Variants in CTNNA3 observed in about 807,000 individuals in gnomAD.
CTNNA3 encodes the protein catenin alpha 3.
CTNNA3 carries 76 observed loss-of-function variants against 95.7 expected under a neutral mutation model. The ratio of observed to expected loss-of-function variants is 0.79; its 90% CI spans 0.66 to 0.96. The LOEUF is 0.96. Among genes scored for constraint, CTNNA3 ranks in the 40% least tolerant of loss-of-function variants. The pLI is 0.00. For synonymous variants in CTNNA3, 431 were observed against 374.4 expected (o/e 1.15, Z -1.74); for missense variants, 1,191 against 1,089.8 (o/e 1.09, Z -1.31).
intron 12 of CTNNA3, among the ~76,000 whole-genome samples, chr10:66,363,900 T>C (rs1023935294): frequency 1.6e-4 from 24 of 152,190 alleles, no homozygotes; most frequent in Non-Finnish European, 3.5e-4. Flanking sequence ...GATCTATATA[T>C]GCTATTTAAT....
At chr10:67,006,935 A>T (rs1852028555) in intron 7 of CTNNA3, among the ~76,000 whole-genome samples, 2 of 152,100 alleles carry the variant, frequency 1.3e-5, no homozygotes, top group Admixed American at 1.3e-4. Flanking sequence ...CTGGGATTAC[A>T]GTCATGTGCC....
chr10:65,976,723 C>G (rs775603944), intron 16 of CTNNA3, among the ~76,000 whole-genome samples: 2 of 152,136 alleles, frequency 1.3e-5, no homozygotes, highest in African/African-American at 2.4e-5. Flanking sequence ...AGGAGAATGC[C>G]TCATTCCTAC....
At chr10:67,070,978 G>T (rs772680028) in intron 7 of CTNNA3, among the ~76,000 whole-genome samples, 1 of 152,106 alleles carries the variant, frequency 6.6e-6, no homozygotes, top group Non-Finnish European at 1.5e-5. Flanking sequence ...ATTGCAACAT[G>T]CATTCTTGAG....
intron 10 of CTNNA3, among the ~76,000 whole-genome samples, chr10:66,523,339 T>G (rs1383510089): frequency 6.6e-6 from 1 of 152,192 alleles, no homozygotes; most frequent in Non-Finnish European, 1.5e-5. Context: ...TAAGAATATT[T>G]TCAGTTCTGC....
intron 5 of CTNNA3, among the ~76,000 whole-genome samples, chr10:67,370,869 G>GTTTT (rs58583527): frequency 1.5e-5 from 2 of 136,308 alleles, no homozygotes; most frequent in African/African-American, 5.4e-5. Flanking sequence ...AGTTTTTTTT[G>GTTTT]TTTTTTTTTT....
At chr10:66,605,393 A>G (rs930564715) in intron 10 of CTNNA3, among the ~76,000 whole-genome samples, 4 of 152,186 alleles carry the variant, frequency 2.6e-5, no homozygotes, top group African/African-American at 9.6e-5. Flanking sequence ...ATTTCAGGAT[A>G]TCATCCATGA....
intron 3 of CTNNA3, among the ~76,000 whole-genome samples, chr10:67,581,094 T>C (rs148717811): frequency 0.13 from 20,190 of 152,160 alleles, 1,654 homozygotes; most frequent in East Asian, 0.3. Context: ...TCCAACACTA[T>C]GTTGAATAGG....
chr10:67,560,188 G>C (rs2133255262), intron 3 of CTNNA3, among the ~76,000 whole-genome samples: 1 of 152,236 alleles, frequency 6.6e-6, no homozygotes, highest in Admixed American at 6.5e-5. Context: ...ATAATTGTTA[G>C]ATTCACCAAA....
At chr10:66,805,920 A>G (rs7097426) in intron 7 of CTNNA3, among the ~76,000 whole-genome samples, 129,806 of 152,094 alleles carry the variant, frequency 0.85, 55,940 homozygotes, top group East Asian at 1. Flanking sequence ...GTGATACAAA[A>G]TGCCAAGGAA....
At chr10:66,525,210 A>AT (rs1841210780) in intron 10 of CTNNA3, among the ~76,000 whole-genome samples, 1 of 87,426 alleles carries the variant, frequency 1.1e-5, no homozygotes, top group Non-Finnish European at 2.5e-5. Context: ...CTCAGATAAA[A>AT]GAAAAAAAAA....
At chr10:66,128,655 A>C (rs1444627867) in intron 13 of CTNNA3, among the ~76,000 whole-genome samples, 2 of 152,178 alleles carry the variant, frequency 1.3e-5, no homozygotes, top group Admixed American at 1.3e-4. Context: ...GAGGGGATGT[A>C]TAGGCAGAAC....
chr10:66,827,751 T>C (rs755256437), intron 7 of CTNNA3, among the ~76,000 whole-genome samples: 6 of 152,222 alleles, frequency 3.9e-5, no homozygotes, highest in African/African-American at 7.2e-5. Flanking sequence ...TTATTCCCAA[T>C]ACAGGTGTAT....
At chr10:66,017,862 T>C (rs2079125039) in intron 15 of CTNNA3, among the ~76,000 whole-genome samples, 1 of 152,106 alleles carries the variant, frequency 6.6e-6, no homozygotes. Context: ...GTTCTAATCA[T>C]CTGAAGAATA....
chr10:65,920,597 C>G lies in CTNNA3; in HGVS notation c.2421G>C (p.Leu807=). 1 of 1,613,904 alleles carries G rather than the reference C, an allele frequency of 6.2e-7. No homozygotes were observed. Among genetic ancestry groups the G allele is most frequent in the Non-Finnish European group, 8.5e-7 (1 of 1,179,866 alleles). ...TCATTAAATTTTTGGCTGCTTGGAT[C>G]AGGGATGTGACACTGTCCAACTGTA... ...IMSALDSVTS[L]IQAAKNLMNA... The change falls in exon 18 of 18, where the codon CTG becomes CTC. Residue 807 remains leucine (L), a synonymous_variant. Transcript: ENST00000433211.
At chr10:66,721,635 T>A (rs1219687340) in intron 9 of CTNNA3, among the ~76,000 whole-genome samples, 2 of 152,170 alleles carry the variant, frequency 1.3e-5, no homozygotes, top group Non-Finnish European at 2.9e-5. Flanking sequence ...TCTGGGTTGC[T>A]AAGAAAATAC....
intron 5 of CTNNA3, among the ~76,000 whole-genome samples, chr10:67,337,561 GAAAGAAGTT>G (rs1229584538): frequency 6.6e-6 from 1 of 152,164 alleles, no homozygotes; most frequent in African/African-American, 2.4e-5. Context: ...CCACAATTTT[GAAAGAAGTT>G]ATATTATGGG....
chr10:66,998,471 T>C (rs1851484961), intron 7 of CTNNA3, among the ~76,000 whole-genome samples: 1 of 152,132 alleles, frequency 6.6e-6, no homozygotes, highest in African/African-American at 2.4e-5. Context: ...AGGACAGATA[T>C]TGCAAATTAT....
intron 7 of CTNNA3, among the ~76,000 whole-genome samples, chr10:66,932,310 T>G (rs1847448699): frequency 6.6e-6 from 1 of 152,200 alleles, no homozygotes; most frequent in Non-Finnish European, 1.5e-5. Context: ...CCTTGACATT[T>G]ACCAAAATGA....
intron 3 of CTNNA3, among the ~76,000 whole-genome samples, chr10:67,591,220 A>C (rs569546896): frequency 2.6e-5 from 4 of 152,270 alleles, no homozygotes; most frequent in Admixed American, 2.6e-4. Context: ...CTACCTAGGA[A>C]GAAATGTCTA....
Sources: gnomAD v4.1 joint callset for allele counts (sites outside exome capture counted in the v4.1 genomes callset) on GRCh38, gnomAD v4.1.1 for gene constraint, MANE v1.5 for transcripts, NCBI Gene and HGNC (gene_info 2026-07-23, HGNC 2026-07-21) for gene names.